The following DNAJC17 variants were observed in gnomAD, a reference collection of about 807,000 sequenced individuals.
DNAJC17 encodes the protein dnaJ homolog subfamily C member 17.
Under a neutral mutation model 48.1 loss-of-function variants are expected in DNAJC17, and 35 were observed. The ratio of observed to expected loss-of-function variants is 0.73; its 90% CI spans 0.56 to 0.96. The LOEUF (loss-of-function observed/expected upper bound fraction) is 0.96, where lower values mean the gene tolerates loss of function less well. Among genes scored for constraint, DNAJC17 ranks in the 50% least tolerant of loss-of-function variants. The pLI is 0.00. For synonymous variants in DNAJC17, 117 were observed against 142.7 expected (o/e 0.82, Z 1.28); for missense variants, 355 against 377.1 (o/e 0.94, Z 0.48).
chr15:40,792,757 G>A (rs1403901099), intron 1 of DNAJC17, among the ~76,000 whole-genome samples: 2 of 152,210 alleles, frequency 1.3e-5, no homozygotes, highest in East Asian at 3.8e-4. Flanking sequence ...CTGCACAAAA[G>A]TGGAAAGGAT....
intron 8 of DNAJC17, 51 bp downstream of exon 8, chr15:40,774,980 C>T (rs1164664073): frequency 6.3e-7 from 1 of 1,593,330 alleles, no homozygotes; most frequent in Admixed American, 1.7e-5. Context: ...AGGGTGTGGA[C>T]TGAGACGTGG....
chr15:40,772,788 G>T (rs1889190367), intron 10 of DNAJC17, among the ~76,000 whole-genome samples: 1 of 152,222 alleles, frequency 6.6e-6, no homozygotes, highest in Admixed American at 6.5e-5. Flanking sequence ...GGGGACAGGT[G>T]TGGCCAGGAG....
intron 1 of DNAJC17, among the ~76,000 whole-genome samples, chr15:40,794,924 G>T (rs1304572034): frequency 6.6e-6 from 1 of 151,924 alleles, no homozygotes; most frequent in Non-Finnish European, 1.5e-5. Flanking sequence ...TCGTCGTGTT[G>T]GCCAGGCTGG....
intron 5 of DNAJC17, 88 bp from the exon 6 acceptor site, chr15:40,776,380 C>T (rs1437970117): frequency 4.0e-6 from 6 of 1,494,972 alleles, no homozygotes; most frequent in Non-Finnish European, 4.6e-6. Context: ...GAGCTTCCAC[C>T]TGCAAGCTAG....
Position 40,767,986 on chromosome 15 carries a change from A to C in DNAJC17, c.869T>G (p.Leu290Arg). The C allele has an allele frequency of 1.2e-6, 2 of 1,608,862 alleles. No individual in the cohort carries two copies. Among genetic ancestry groups the C allele is most frequent in the East Asian group, 2.2e-5 (1 of 44,836 alleles). Residue 290 changes from leucine to arginine, a missense_variant, in exon 11 of 11, where the codon CTG becomes CGG. Around this residue, in one of 3 missense-constraint regions of DNAJC17, gnomAD observed 88 missense variants for 67.7 expected, o/e 1.30. Coordinates refer to ENST00000220496, the MANE Select transcript of DNAJC17 (RefSeq NM_018163.3). The part of the protein sequence containing the change: ...RMRQAAERQQ[L>R]IARMQQEDQE... ...GTCTTCCTGCTGCATCCGTGCGATC[A>C]GCTGTTGCCGCTCGGCCGCCTGGCG...
At chr15:40,780,180 T>G (rs1218640405) in intron 1 of DNAJC17, 183 bp from the exon 2 acceptor site, 3 of 691,298 alleles carry the variant, frequency 4.3e-6, no homozygotes, top group Middle Eastern at 2.3e-4. Context: ...AGTGAGCCAC[T>G]GTCGCCCAGC....
In DNAJC17 at chr15:40,773,101, C is replaced by T. The variant is rs553105808; in HGVS notation, c.792+626G>A. ...TCAGCCTCCTGAGTAGCTGGGATTACAGGTGCGCACCATCATGCCCAGCTG... is the reference window on the plus strand; with the variant it reads ...TCAGCCTCCTGAGTAGCTGGGATTATAGGTGCGCACCATCATGCCCAGCTG... On this transcript the variant is annotated intron_variant, in intron 10 of 10. Transcript: ENST00000220496. Among the ~76,000 whole-genome samples, 37 of 152,086 alleles carry T rather than the reference C, an allele frequency of 2.4e-4. 1 individual carries two copies. The highest frequency in any genetic ancestry group is 2.0e-3 in the Admixed American group (31 of 15,246).
At chr15:40,776,503 C>T in intron 5 of DNAJC17, 39 bp downstream of exon 5, 1 of 1,607,654 alleles carries the variant, frequency 6.2e-7, no homozygotes, top group Non-Finnish European at 8.5e-7. Flanking sequence ...CCTCCTCCTC[C>T]TGCAGGTGGC....
At chr15:40,802,292 T>C (rs915901527) in intron 1 of DNAJC17, among the ~76,000 whole-genome samples, 8 of 150,340 alleles carry the variant, frequency 5.3e-5, no homozygotes, top group African/African-American at 2.0e-4. Context: ...TGCCTCAGCC[T>C]CCCAGTAGCT....
chr15:40,787,484 C>G (rs1345526993), intron 1 of DNAJC17, among the ~76,000 whole-genome samples: 1 of 152,184 alleles, frequency 6.6e-6, no homozygotes, highest in African/African-American at 2.4e-5. Context: ...CTCCTCCTCC[C>G]TGCTAACACC....
chr15:40,807,244 C>G lies in DNAJC17; in HGVS notation c.78+125G>C, dbSNP rs1477295880. Reference sequence around the variant, plus strand: ...AGCCCGCCTGCGGAGGGCATAGCGCCGACCCTCGCTCCCCGCCCAGGACCC... The same window carrying G: ...AGCCCGCCTGCGGAGGGCATAGCGCGGACCCTCGCTCCCCGCCCAGGACCC... On this transcript the variant is annotated intron_variant, in intron 1 of 10. Transcript: ENST00000220496. 3.2e-6 allele frequency: 5 copies of G among 1,573,980 alleles called. No homozygotes were observed. In the East Asian group the frequency reaches 9.3e-5, roughly 29 times the overall value.
intron 1 of DNAJC17, among the ~76,000 whole-genome samples, chr15:40,781,458 C>A (rs1056901095): frequency 1.3e-5 from 2 of 151,846 alleles, no homozygotes; most frequent in African/African-American, 4.8e-5. Context: ...CGAGATCATG[C>A]CATTGTACTC....
intron 10 of DNAJC17, among the ~76,000 whole-genome samples, chr15:40,772,706 C>G (rs535415328): frequency 2.4e-4 from 37 of 152,260 alleles, no homozygotes; most frequent in Non-Finnish European, 8.8e-5. Context: ...CAGACAGGCC[C>G]TGGGCCACTG....
intron 1 of DNAJC17, among the ~76,000 whole-genome samples, chr15:40,787,614 T>C (rs748986443): frequency 6.6e-6 from 1 of 151,988 alleles, no homozygotes; most frequent in African/African-American, 2.4e-5. Context: ...GAATAATAAA[T>C]TGGCAGCCAC....
intron 1 of DNAJC17, among the ~76,000 whole-genome samples, chr15:40,792,805 G>C (rs954509152): frequency 6.6e-6 from 1 of 152,120 alleles, no homozygotes; most frequent in African/African-American, 2.4e-5. Context: ...ATGCTCACTC[G>C]CTGGATGGTC....
At position 40,767,514 on chromosome 15, in the gene DNAJC17, C is replaced by A. The variant is rs1236267983; in HGVS notation, c.*426G>T. The A allele has an allele frequency of 2.5e-6, 2 of 799,786 alleles. No individual in the cohort carries two copies. The highest frequency in any genetic ancestry group is 1.9e-6 in the Non-Finnish European group (1 of 538,982). The allele number at this position is 799,786 out of a possible 1,614,324, so 49.5% of individuals were successfully genotyped here. A position where few individuals can be genotyped will look rare whatever the true frequency, so the allele number is the denominator to read the frequency against. On this transcript the variant is annotated 3_prime_UTR_variant, in exon 11 of 11. Coordinates refer to ENST00000220496, the MANE Select transcript of DNAJC17 (RefSeq NM_018163.3). ...GTGAATGGCCTTCTCTGAAACCCTG[C>A]GTCAAGCAGTGGGAGAGGGCAGTGC... is the stretch of plus-strand genomic sequence containing the variant.
chr15:40,770,084 TC>T lies in DNAJC17; in HGVS notation c.793-2023del. ...CAGGCAAACACCAGGGCGAGTGAGCTCGGGCCATCTGCTGCCTGCCTGTGGA... is the reference window on the plus strand; with the variant it reads ...CAGGCAAACACCAGGGCGAGTGAGCTGGGCCATCTGCTGCCTGCCTGTGGA... On this transcript the variant is annotated intron_variant, in intron 10 of 10. Transcript: ENST00000220496. The surrounding 1 kb of genome is among the most constrained non-coding windows in gnomAD (Gnocchi z 5.0). The T allele has an allele frequency of 5.1e-6, 1 of 194,524 alleles. No individual in the cohort carries two copies. Among genetic ancestry groups the T allele is most frequent in the Non-Finnish European group, 1.1e-5 (1 of 94,254 alleles). The allele number at this position is 194,524 out of a possible 1,614,324, so 12.0% of individuals were successfully genotyped here. A position where few individuals can be genotyped will look rare whatever the true frequency, so the allele number is the denominator to read the frequency against.
At chr15:40,783,660 T>C (rs1889563368) in intron 1 of DNAJC17, among the ~76,000 whole-genome samples, 1 of 152,128 alleles carries the variant, frequency 6.6e-6, no homozygotes, top group African/African-American at 2.4e-5. Flanking sequence ...GGTCTGGAGT[T>C]TGAGACCAGC....
At chr15:40,780,333 T>C (rs1464869090) in intron 1 of DNAJC17, 3 of 506,018 alleles carry the variant, frequency 5.9e-6, no homozygotes, top group Non-Finnish European at 1.2e-5. Flanking sequence ...TTGGTGGGCA[T>C]ATAAACTGGG....
Sources: allele counts gnomAD v4.1 joint callset (sites outside exome capture counted in the v4.1 genomes callset), GRCh38; gene constraint gnomAD v4.1.1; regional missense constraint gnomAD v4.1.1; non-coding constraint Gnocchi (gnomAD v3.1); transcripts MANE v1.5; gene names NCBI Gene and HGNC (gene_info 2026-07-23, HGNC 2026-07-21).